MYO5B: variants seen among roughly 807,000 people sequenced by gnomAD.
The protein encoded by MYO5B is myosin VB, also known as unconventional myosin-Vb.
Under a neutral mutation model 229.3 loss-of-function variants are expected in MYO5B, and 143 were observed. The observed-to-expected ratio is 0.62, with a 90% confidence interval of 0.54 to 0.72. The LOEUF is 0.72. Ranked by LOEUF, MYO5B falls within the 30% of genes least tolerant of loss-of-function variation. The pLI is 0.00. For synonymous variants in MYO5B, 918 were observed against 885.2 expected, an observed-to-expected ratio of 1.04 and a Z score of -0.66; for missense variants, 2,321 against 2,331.0, an observed-to-expected ratio of 1.00 and a Z score of 0.09.
Position 49,960,756 on chromosome 18 carries a change from A to C in MYO5B, c.1545+1510T>G, listed in dbSNP as rs150209166. Among the ~76,000 whole-genome samples the C allele has an allele frequency of 6.6e-5, 10 of 152,304 alleles. No individual in the cohort carries two copies. The East Asian group carries it at 1.9e-3, about 29-fold the overall frequency. On this transcript the variant is annotated intron_variant, in intron 12 of 39. Transcript: ENST00000285039. ...ACGTGTCACATCCACAGTACCACCCAATGTCTTGACATGTCTAGCCCCCAC... is the reference window on the plus strand; with the variant it reads ...ACGTGTCACATCCACAGTACCACCCCATGTCTTGACATGTCTAGCCCCCAC...
rs1355946587 is a variant in MYO5B, at chr18:49,835,410, T to C, written c.5328A>G (p.Leu1776=). The C allele has an allele frequency of 2.5e-6, 4 of 1,612,110 alleles. No individual in the cohort carries two copies. In the African/African-American group the frequency reaches 5.3e-5, roughly 22 times the overall value. ...SLSTQQIVKI[L]NLYTPLNEFE... Reference sequence around the variant, plus strand: ...ATTCATTCAGGGGAGTATAAAGGTTTAAAATTTTGACAATCTGTTGGGGAT... The same window carrying C: ...ATTCATTCAGGGGAGTATAAAGGTTCAAAATTTTGACAATCTGTTGGGGAT... Residue 1776 remains leucine, a synonymous_variant, in exon 39 of 40, where the codon TTA becomes TTG. Coordinates refer to ENST00000285039, the MANE Select transcript of MYO5B (RefSeq NM_001080467.3).
chr18:49,847,402 T>A (rs2024143698), intron 32 of MYO5B, 113 bp from the exon 33 acceptor site: 2 of 1,355,972 alleles, frequency 1.5e-6, no homozygotes, highest in Admixed American at 3.9e-5. Flanking sequence ...AAGGGGCATC[T>A]CTGGCAGGTG....
chr18:50,051,427 TTTAAATTA>T (rs1489339258), intron 2 of MYO5B, among the ~76,000 whole-genome samples: 1 of 152,086 alleles, frequency 6.6e-6, no homozygotes, highest in Non-Finnish European at 1.5e-5. Context: ...GAAAATGAAA[TTTAAATTA>T]AAAACCATGG....
At chr18:50,090,404 G>A (rs1455999442) in intron 1 of MYO5B, among the ~76,000 whole-genome samples, 1 of 151,608 alleles carries the variant, frequency 6.6e-6, no homozygotes, top group African/African-American at 2.4e-5. Flanking sequence ...GACACACTTT[G>A]TGTCTGCTCA....
At chr18:49,854,883 C>T (rs1325917068) in intron 30 of MYO5B, among the ~76,000 whole-genome samples, 1 of 152,124 alleles carries the variant, frequency 6.6e-6, no homozygotes, top group Non-Finnish European at 1.5e-5. Flanking sequence ...TTTTATGTAG[C>T]TGAGTCAGCT....
chr18:49,937,498 ACACATC>A lies in MYO5B; in HGVS notation c.1753-107_1753-102del, dbSNP rs1313418914. The stretch of plus-strand genomic sequence containing the variant: ...CAACATATACCTGAGAACGGAAAAC[ACACATC>A]CACGCCAAAACCCACACACCAACCT... On this transcript the variant is annotated intron_variant, in intron 14 of 39. Transcript: ENST00000285039. The A allele has an allele frequency of 4.3e-6, 6 of 1,401,610 alleles. No individual in the cohort carries two copies. The African/African-American group carries it at 8.5e-5, about 20-fold the overall frequency. The allele number at this position is 1,401,610 out of a possible 1,614,324, so 86.8% of individuals were successfully genotyped here. A position where few individuals can be genotyped will look rare whatever the true frequency, so the allele number is the denominator to read the frequency against.
chr18:49,917,368 T>C (rs547262021), intron 17 of MYO5B, among the ~76,000 whole-genome samples: 2 of 152,382 alleles, frequency 1.3e-5, no homozygotes, highest in South Asian at 2.1e-4. Flanking sequence ...GCAGCACCGT[T>C]GGGTGTGGGA....
At position 49,850,894 on chromosome 18, in the gene MYO5B, C is replaced by T. The variant is rs574628808; in HGVS notation, c.4222-1234G>A. On this transcript the variant is annotated intron_variant, in intron 31 of 39. Transcript: ENST00000285039. ...CTGACTCTTGCAAAGGATTAACCAA[C>T]TCTTGGGGCCACAAGACTTGGCCAG... 4 of 152,822 alleles carry T rather than the reference C, an allele frequency of 2.6e-5. No individual in the cohort carries two copies. The South Asian group carries it at 8.3e-4, about 32-fold the overall frequency. The allele number at this position is 152,822 out of a possible 1,614,324, so 9.5% of individuals were successfully genotyped here.
chr18:50,168,885 GCCCCATGC>G (rs1183862083), intron 1 of MYO5B, among the ~76,000 whole-genome samples: 3 of 127,496 alleles, frequency 2.4e-5, no homozygotes, highest in Non-Finnish European at 3.3e-5. Context: ...CATCCCAGAA[GCCCCATGC>G]CTGTGCCCAC....
At chr18:49,992,564 T>C (rs1160603460) in intron 5 of MYO5B, 133 bp from the exon 6 acceptor site, 67 of 1,300,686 alleles carry the variant, frequency 5.2e-5, no homozygotes, top group Admixed American at 1.6e-4. Flanking sequence ...GGGATGACAA[T>C]GAACTGAGCT....
intron 1 of MYO5B, among the ~76,000 whole-genome samples, chr18:50,062,292 G>A (rs2030706468): frequency 1.3e-5 from 2 of 152,348 alleles, no homozygotes; most frequent in Non-Finnish European, 2.9e-5. Context: ...AAGCAGGGCA[G>A]TCTGGGCAGA....
At chr18:50,108,119 G>C (rs2031795274) in intron 1 of MYO5B, among the ~76,000 whole-genome samples, 1 of 152,174 alleles carries the variant, frequency 6.6e-6, no homozygotes, top group African/African-American at 2.4e-5. Context: ...ATGTTGCCAG[G>C]CTGGTCTTGA....
intron 7 of MYO5B, among the ~76,000 whole-genome samples, chr18:49,987,017 AAGG>A: frequency 6.6e-6 from 1 of 152,216 alleles, no homozygotes; most frequent in East Asian, 1.9e-4. Flanking sequence ...TGAGACTCCA[AAGG>A]AGGAGACTAG....
intron 10 of MYO5B, among the ~76,000 whole-genome samples, chr18:49,972,877 A>C (rs1417481215): frequency 6.8e-6 from 1 of 146,556 alleles, no homozygotes; most frequent in East Asian, 2.0e-4. Flanking sequence ...CTCACCTCCC[A>C]CTCTCGGTGA....
intron 39 of MYO5B, among the ~76,000 whole-genome samples, chr18:49,832,562 G>A (rs1216582706): frequency 2.6e-5 from 4 of 152,170 alleles, no homozygotes; most frequent in Admixed American, 1.3e-4. Context: ...TTTGAAAATC[G>A]CTGGGAAATA....
intron 1 of MYO5B, among the ~76,000 whole-genome samples, chr18:50,100,201 C>T (rs761301598): frequency 1.2e-4 from 18 of 152,192 alleles, no homozygotes; most frequent in Non-Finnish European, 2.6e-4. Flanking sequence ...AGAGTAAATA[C>T]TTAAATGACT....
At chr18:49,873,220 A>G (rs948970982) in intron 26 of MYO5B, among the ~76,000 whole-genome samples, 3 of 152,258 alleles carry the variant, frequency 2.0e-5, no homozygotes, top group Non-Finnish European at 4.4e-5. Context: ...TTAAATGGCC[A>G]ATGAGAAGGG....
chr18:49,879,309 G>C, intron 23 of MYO5B: 2 of 580,114 alleles, frequency 3.4e-6, no homozygotes, highest in East Asian at 3.1e-5. Context: ...CTGCTCTCAG[G>C]GAATGGGGAG....
intron 22 of MYO5B, among the ~76,000 whole-genome samples, chr18:49,881,254 G>A (rs542628828): frequency 3.3e-5 from 5 of 152,200 alleles, no homozygotes; most frequent in Admixed American, 1.3e-4. Context: ...GTCTTAGGAA[G>A]GCCAAAATCT....
Sources: gnomAD v4.1 joint callset for allele counts (sites outside exome capture counted in the v4.1 genomes callset) on GRCh38, gnomAD v4.1.1 for gene constraint, MANE v1.5 for transcripts, NCBI Gene and HGNC (gene_info 2026-07-23, HGNC 2026-07-21) for gene names.